FER: variants seen among roughly 807,000 people sequenced by gnomAD.
FER encodes the protein tyrosine-protein kinase Fer.
Under a neutral mutation model 111.0 loss-of-function variants are expected in FER, and 63 were observed. The observed-to-expected ratio is 0.57, with a 90% confidence interval of 0.46 to 0.70. The LOEUF (loss-of-function observed/expected upper bound fraction) is 0.70. Ranked by LOEUF, FER falls within the 30% of genes least tolerant of loss-of-function variation. The probability of loss-of-function intolerance (pLI) is 0.00; values close to 1 mark genes in which losing one functional copy is unlikely to be tolerated. For synonymous variants in FER, 327 were observed against 313.9 expected, an observed-to-expected ratio of 1.04 and a Z score of -0.44; for missense variants, 914 against 954.0, an observed-to-expected ratio of 0.96 and a Z score of 0.55.
intron 13 of FER, among the ~76,000 whole-genome samples, chr5:108,960,281 A>T (rs1053416726): frequency 6.6e-6 from 1 of 152,136 alleles, no homozygotes; most frequent in African/African-American, 2.4e-5. Flanking sequence ...CTGGGATATA[A>T]TATCTATATT....
chr5:108,924,412 T>C (rs569119783), intron 10 of FER, among the ~76,000 whole-genome samples: 1 of 149,438 alleles, frequency 6.7e-6, no homozygotes, highest in South Asian at 2.2e-4. Context: ...ATTTCTTAGA[T>C]AGTGTTTCTT....
intron 10 of FER, among the ~76,000 whole-genome samples, chr5:108,920,297 G>T (rs1270655866): frequency 6.6e-6 from 1 of 151,994 alleles, no homozygotes; most frequent in Non-Finnish European, 1.5e-5. Context: ...TTTTGAATAT[G>T]TAGAAGGAAT....
intron 13 of FER, among the ~76,000 whole-genome samples, chr5:108,985,075 T>A (rs1010940903): frequency 2.6e-5 from 4 of 152,030 alleles, no homozygotes; most frequent in African/African-American, 9.7e-5. Context: ...TTAAAACTAG[T>A]GCTTATCATA....
chr5:108,810,396 T>C (rs918562492), intron 3 of FER, among the ~76,000 whole-genome samples: 6 of 152,196 alleles, frequency 3.9e-5, no homozygotes, highest in Non-Finnish European at 8.8e-5. Flanking sequence ...TGCTCACCTC[T>C]CCAGGCTGGG....
At chr5:109,072,675 C>T (rs1466466315) in intron 16 of FER, among the ~76,000 whole-genome samples, 1 of 151,930 alleles carries the variant, frequency 6.6e-6, no homozygotes, top group Non-Finnish European at 1.5e-5. Context: ...ATAATGAAAT[C>T]TGCTCGAAGA....
At chr5:109,083,977 T>C (rs571759620) in intron 16 of FER, among the ~76,000 whole-genome samples, 9 of 152,180 alleles carry the variant, frequency 5.9e-5, no homozygotes, top group South Asian at 2.1e-4. Context: ...TATTAACTTA[T>C]AAACAAGGTA....
chr5:109,180,747 G>A lies in FER; in HGVS notation c.2049G>A (p.Arg683=), dbSNP rs1387570244. Residue 683 remains arginine, a splice_region_variant and synonymous_variant, in exon 18 of 20, where the codon AGG becomes AGA. Coordinates refer to ENST00000281092, the MANE Select transcript of FER (RefSeq NM_005246.4). ...LYLESKNCIH[R]DLAARNCLVG... ...TTTTCTGTGTCTTACTGTAACCTAG[G>A]GACCTTGCTGCAAGAAACTGCCTGG... 1.2e-6 allele frequency: 2 copies of A among 1,609,872 alleles called. No homozygotes were observed. Among genetic ancestry groups the A allele is most frequent in the South Asian group, 1.1e-5 (1 of 90,208 alleles).
chr5:108,872,829 T>C (rs1323350797), intron 8 of FER, among the ~76,000 whole-genome samples: 2 of 152,340 alleles, frequency 1.3e-5, no homozygotes, highest in South Asian at 2.1e-4. Context: ...ATTTAACCTA[T>C]CTCTTGATTT....
chr5:109,151,656 A>G (rs1225057915), intron 17 of FER, among the ~76,000 whole-genome samples: 1 of 152,124 alleles, frequency 6.6e-6, no homozygotes, highest in Non-Finnish European at 1.5e-5. Context: ...AACAGCTACA[A>G]TGATCTGGAA....
At chr5:109,098,257 T>C (rs1369525479) in intron 16 of FER, among the ~76,000 whole-genome samples, 1 of 151,918 alleles carries the variant, frequency 6.6e-6, no homozygotes, top group Non-Finnish European at 1.5e-5. Flanking sequence ...TATTTGGTAA[T>C]TTGTTGAATA....
At chr5:109,010,851 TAC>T (rs1766172262) in intron 13 of FER, among the ~76,000 whole-genome samples, 1 of 152,220 alleles carries the variant, frequency 6.6e-6, no homozygotes, top group South Asian at 2.1e-4. Flanking sequence ...TTGAGTAATT[TAC>T]AGTGTTTTTG....
Position 109,189,440 on chromosome 5 carries a change from T to TGAAA in FER, c.*1868_*1871dup. 6.6e-6 allele frequency: 1 copy of TGAAA among 152,212 alleles called. No individual in the cohort carries two copies. Among genetic ancestry groups the TGAAA allele is most frequent in the Non-Finnish European group, 1.5e-5 (1 of 68,036 alleles). The allele number at this position is 152,212 out of a possible 1,614,324, so 9.4% of individuals were successfully genotyped here. The stretch of plus-strand genomic sequence containing the variant: ...GAACTCACACCAGTACTTTAGAGTA[T>TGAAA]GAAAGATAATACTGAAGAGAAAAGT... On this transcript the variant is annotated 3_prime_UTR_variant, in exon 20 of 20. Transcript: ENST00000281092.
chr5:108,971,695 G>T (rs1760685622), intron 13 of FER, among the ~76,000 whole-genome samples: 1 of 152,020 alleles, frequency 6.6e-6, no homozygotes, highest in African/African-American at 2.4e-5. Context: ...TTCTACATCA[G>T]CATTTTCCCC....
chr5:109,071,400 A>C (rs977890506), intron 16 of FER, among the ~76,000 whole-genome samples: 6 of 152,064 alleles, frequency 3.9e-5, no homozygotes, highest in Non-Finnish European at 8.8e-5. Flanking sequence ...CCTTCTCATT[A>C]TATCACAGCA....
chr5:109,085,335 G>A (rs917374765), intron 16 of FER, among the ~76,000 whole-genome samples: 1 of 151,418 alleles, frequency 6.6e-6, no homozygotes, highest in Non-Finnish European at 1.5e-5. Flanking sequence ...TATAAAGGAT[G>A]TTTTTCTAAT....
At chr5:108,813,251 G>A (rs1447060929) in intron 3 of FER, among the ~76,000 whole-genome samples, 2 of 152,034 alleles carry the variant, frequency 1.3e-5, no homozygotes, top group African/African-American at 2.4e-5. Flanking sequence ...CATCTTACTT[G>A]TGTTGTTTCT....
intron 16 of FER, among the ~76,000 whole-genome samples, chr5:109,052,612 C>T (rs1031389414): frequency 2.0e-5 from 3 of 152,312 alleles, no homozygotes; most frequent in South Asian, 4.1e-4. Flanking sequence ...ACTTTCCTCA[C>T]ACCTTCCCCC....
chr5:109,088,759 CTACTAGG>C (rs1387164956), intron 16 of FER, among the ~76,000 whole-genome samples: 1 of 151,868 alleles, frequency 6.6e-6, no homozygotes, highest in Non-Finnish European at 1.5e-5. Flanking sequence ...TCTGGATTAC[CTACTAGG>C]TAGTACCCTA....
intron 16 of FER, among the ~76,000 whole-genome samples, chr5:109,051,003 G>A (rs1285099161): frequency 6.6e-6 from 1 of 152,130 alleles, no homozygotes; most frequent in Admixed American, 6.5e-5. Context: ...ATTCTTAGGG[G>A]TGTTTGCTGG....
Sources: gnomAD v4.1 joint callset for allele counts (sites outside exome capture counted in the v4.1 genomes callset) on GRCh38, gnomAD v4.1.1 for gene constraint, MANE v1.5 for transcripts, NCBI Gene and HGNC (gene_info 2026-07-23, HGNC 2026-07-21) for gene names.